The following ARHGAP42 variants were observed in gnomAD, a reference collection of about 807,000 sequenced individuals.
ARHGAP42 encodes the protein Rho GTPase activating protein 42, also known as rho GTPase-activating protein 42.
ARHGAP42 carries 63 observed loss-of-function variants against 125.0 expected under a neutral mutation model. That is an observed-to-expected ratio of 0.50 (90% CI 0.41 to 0.62). The LOEUF (loss-of-function observed/expected upper bound fraction) is 0.62, where lower values mean the gene tolerates loss of function less well. Among genes scored for constraint, ARHGAP42 ranks in the 20% least tolerant of loss-of-function variants. ARHGAP42 has a pLI of 0.00. For missense variants in ARHGAP42, 766 were observed against 1,024.2 expected, an observed-to-expected ratio of 0.75 and a Z score of 3.44; for synonymous variants, 339 against 351.0, an observed-to-expected ratio of 0.97 and a Z score of 0.38.
chr11:100,967,253 A>G (rs1173771202), intron 17 of ARHGAP42, among the ~76,000 whole-genome samples: 1 of 152,216 alleles, frequency 6.6e-6, no homozygotes, highest in Non-Finnish European at 1.5e-5. Flanking sequence ...AACAGTATAA[A>G]TCATTGCTTT....
chr11:100,850,693 A>G (rs575547716), intron 3 of ARHGAP42, among the ~76,000 whole-genome samples: 1 of 152,248 alleles, frequency 6.6e-6, no homozygotes, highest in South Asian at 2.1e-4. Context: ...TTCCAATTAA[A>G]TATGTCTTTT....
chr11:100,935,677 C>CACACACACAGAGAG (rs143859109), intron 7 of ARHGAP42, among the ~76,000 whole-genome samples: 1 of 146,604 alleles, frequency 6.8e-6, no homozygotes, highest in Non-Finnish European at 1.5e-5. Context: ...CACACACACA[C>CACACACACAGAGAG]AGAGAGAGAG....
At chr11:100,858,504 G>T (rs866352596) in intron 3 of ARHGAP42, among the ~76,000 whole-genome samples, 5 of 151,908 alleles carry the variant, frequency 3.3e-5, no homozygotes, top group Admixed American at 6.6e-5. Flanking sequence ...GTGTATTATG[G>T]ACTTTAAGAA....
At chr11:100,808,911 G>C (rs2135056139) in intron 3 of ARHGAP42, among the ~76,000 whole-genome samples, 1 of 152,168 alleles carries the variant, frequency 6.6e-6, no homozygotes, top group South Asian at 2.1e-4. Context: ...AACTCTTAGG[G>C]GTTCTTATCA....
chr11:100,956,358 TTA>T (rs1857804766), intron 12 of ARHGAP42, among the ~76,000 whole-genome samples: 1 of 152,138 alleles, frequency 6.6e-6, no homozygotes, highest in African/African-American at 2.4e-5. Flanking sequence ...CATTTCTTCT[TTA>T]TAGTACATGT....
chr11:100,704,034 A>G (rs1263268290), intron 1 of ARHGAP42, among the ~76,000 whole-genome samples: 1 of 152,170 alleles, frequency 6.6e-6, no homozygotes, highest in Non-Finnish European at 1.5e-5. Flanking sequence ...TTGATAGGAC[A>G]TTGCTGGAGG....
rs1865991653 is a variant in ARHGAP42 at position 100,882,723 on chromosome 11, G to A, written c.384+23098G>A. ...TCGAATTCAACTGTGAATCTGTCTG[G>A]TCCTGGACTTTTTTTTGTTGGTAAT... On this transcript the variant is annotated intron_variant, in intron 4 of 23. Transcript: ENST00000298815. 2.0e-5 allele frequency among the ~76,000 whole-genome samples: 3 copies of A among 151,920 alleles called. No homozygotes were observed. The South Asian group carries it at 6.2e-4, about 32-fold the overall frequency.
At chr11:100,788,743 A>T (rs1863493643) in intron 2 of ARHGAP42, among the ~76,000 whole-genome samples, 1 of 151,984 alleles carries the variant, frequency 6.6e-6, no homozygotes, top group Non-Finnish European at 1.5e-5. Flanking sequence ...TTTTAATAAA[A>T]CTCACCCTGT....
intron 1 of ARHGAP42, 52 bp downstream of exon 1, chr11:100,687,884 G>A: frequency 6.7e-7 from 1 of 1,494,258 alleles, no homozygotes; most frequent in Non-Finnish European, 9.0e-7. Context: ...AGTCCCCGCG[G>A]GGTGCGGGTC....
At chr11:100,974,764 A>G (rs571084642) in intron 19 of ARHGAP42, among the ~76,000 whole-genome samples, 161 bp downstream of exon 19, 1 of 152,276 alleles carries the variant, frequency 6.6e-6, no homozygotes, top group African/African-American at 2.4e-5. Flanking sequence ...ATAGTTGTAC[A>G]GTTGCTTGGG....
At chr11:100,895,493 C>CCTTTTT (rs1565263603) in intron 4 of ARHGAP42, among the ~76,000 whole-genome samples, 14 of 123,484 alleles carry the variant, frequency 1.1e-4, no homozygotes, top group Non-Finnish European at 1.0e-4. Flanking sequence ...AAAAGAGCAA[C>CCTTTTT]TTTTTTTTTT....
At chr11:100,772,651 A>G (rs2134993425) in intron 2 of ARHGAP42, among the ~76,000 whole-genome samples, 2 of 152,316 alleles carry the variant, frequency 1.3e-5, no homozygotes, top group South Asian at 2.1e-4. Flanking sequence ...AACATTTGGA[A>G]CAATAGTGGT....
At chr11:100,747,762 GT>G (rs994560978) in intron 1 of ARHGAP42, among the ~76,000 whole-genome samples, 5 of 152,028 alleles carry the variant, frequency 3.3e-5, no homozygotes, top group Admixed American at 3.3e-4. Flanking sequence ...TTCTTCAATA[GT>G]TTTACATTCA....
chr11:100,785,577 G>A (rs1863413774), intron 2 of ARHGAP42, among the ~76,000 whole-genome samples: 1 of 152,184 alleles, frequency 6.6e-6, no homozygotes, highest in South Asian at 2.1e-4. Flanking sequence ...CTTCACTAGG[G>A]TGGGTGGTGG....
intron 4 of ARHGAP42, among the ~76,000 whole-genome samples, chr11:100,865,540 A>G (rs1412908798): frequency 1.3e-5 from 2 of 152,220 alleles, no homozygotes; most frequent in Non-Finnish European, 2.9e-5. Flanking sequence ...GAGCAAAGTT[A>G]ACCAAGGAGG....
intron 4 of ARHGAP42, among the ~76,000 whole-genome samples, chr11:100,879,087 T>A (rs1591262699): frequency 1.3e-5 from 2 of 152,122 alleles, no homozygotes; most frequent in East Asian, 3.9e-4. Context: ...CAAAAAAATA[T>A]GGTCTGGGGC....
Position 100,993,457 on chromosome 11 carries a change from A to G in ARHGAP42, c.*4656A>G. 1.2e-5 allele frequency: 2 copies of G among 167,132 alleles called. No homozygotes were observed. 10.4% of individuals were successfully genotyped at this position (167,132 alleles called of 1,614,324 possible). A position where few individuals can be genotyped will look rare whatever the true frequency, so the allele number is the denominator to read the frequency against. The stretch of plus-strand genomic sequence containing the variant: ...TCCCCACAGGAACTGGTCTAAGAAC[A>G]CTGTCTGCACATGATTGATGCTTAA... On this transcript the variant is annotated 3_prime_UTR_variant, in exon 24 of 24. Coordinates refer to ENST00000298815, the MANE Select transcript of ARHGAP42 (RefSeq NM_152432.4).
At chr11:100,936,769 G>A (rs535900900) in intron 8 of ARHGAP42, among the ~76,000 whole-genome samples, 2 of 152,054 alleles carry the variant, frequency 1.3e-5, no homozygotes, top group South Asian at 4.2e-4. Flanking sequence ...TCAAATTGGC[G>A]CTCTTTACTT....
intron 2 of ARHGAP42, among the ~76,000 whole-genome samples, chr11:100,789,827 A>T (rs1183241867): frequency 6.6e-6 from 1 of 152,144 alleles, no homozygotes; most frequent in Non-Finnish European, 1.5e-5. Context: ...ATGTCACTGA[A>T]TTTATGATCT....
Sources: allele counts gnomAD v4.1 joint callset (sites outside exome capture counted in the v4.1 genomes callset), GRCh38; gene constraint gnomAD v4.1.1; transcripts MANE v1.5; gene names NCBI Gene and HGNC (gene_info 2026-07-23, HGNC 2026-07-21).